GRID2: variants seen among roughly 807,000 people sequenced by gnomAD.
GRID2 encodes glutamate receptor ionotropic, delta-2.
Under a neutral mutation model 114.8 loss-of-function variants are expected in GRID2, and 33 were observed. That is an observed-to-expected ratio of 0.29 (90% CI 0.22 to 0.38). The LOEUF is 0.38. GRID2 is among the 10% of genes least tolerant of loss of function. GRID2 has a pLI of 1.00. For synonymous variants in GRID2, 505 were observed against 449.9 expected, an observed-to-expected ratio of 1.12 and a Z score of -1.55; for missense variants, 1,184 against 1,257.7, an observed-to-expected ratio of 0.94 and a Z score of 0.89.
rs566466320 is a variant in GRID2, at chr4:92,662,591, A to T, written c.244+72305A>T. On this transcript the variant is annotated intron_variant, in intron 2 of 15. Coordinates refer to ENST00000282020, the MANE Select transcript of GRID2 (RefSeq NM_001510.4). ...ACTTTGCAAACCAGGGATAAAGAAT[A>T]AAAAAAAAAGGTAAACTTTGAAGTG... 5.4e-5 allele frequency among the ~76,000 whole-genome samples: 8 copies of T among 147,490 alleles called. 1 individual carries two copies. The South Asian group carries it at 6.4e-4, about 12-fold the overall frequency.
chr4:92,906,235 T>C (rs1042405478), intron 2 of GRID2, among the ~76,000 whole-genome samples: 5 of 147,738 alleles, frequency 3.4e-5, no homozygotes, highest in African/African-American at 1.2e-4. Flanking sequence ...TAGAAATCTG[T>C]AGACCTGAAG....
At chr4:93,372,776 T>C (rs1469004261) in intron 8 of GRID2, among the ~76,000 whole-genome samples, 2 of 152,176 alleles carry the variant, frequency 1.3e-5, no homozygotes, top group Non-Finnish European at 2.9e-5. Context: ...ATAGTATATA[T>C]ACCAGATACC....
intron 4 of GRID2, among the ~76,000 whole-genome samples, chr4:93,185,795 G>C (rs1006744513): frequency 1.3e-5 from 2 of 151,950 alleles, no homozygotes; most frequent in Admixed American, 6.6e-5. Context: ...TGTGCACTAC[G>C]TGCAGGTTTG....
intron 2 of GRID2, among the ~76,000 whole-genome samples, chr4:92,672,039 TTTA>T (rs1386550339): frequency 1.3e-5 from 2 of 152,142 alleles, no homozygotes; most frequent in East Asian, 1.9e-4. Context: ...CAGTGAGATT[TTTA>T]TTATTTAAAC....
chr4:93,273,460 T>TC (rs56915493), intron 8 of GRID2, among the ~76,000 whole-genome samples: 82 of 74,578 alleles, frequency 1.1e-3, no homozygotes, highest in South Asian at 8.4e-3. Context: ...CAGAATAATA[T>TC]CCCCCCCCCC....
At position 92,536,762 on chromosome 4, in the gene GRID2, G is replaced by T. The variant is rs140548370; in HGVS notation, c.89-53369G>T. On this transcript the variant is annotated intron_variant, in intron 1 of 15. Coordinates refer to ENST00000282020, the MANE Select transcript of GRID2 (RefSeq NM_001510.4). The stretch of plus-strand genomic sequence containing the variant: ...AGTTTTTCTTCCTTAAATGCAAATC[G>T]TCTGAGAGAAATGGATGGCAATAAA... Among the ~76,000 whole-genome samples the T allele has an allele frequency of 1.7e-3, 264 of 151,938 alleles. 1 individual carries two copies. Among genetic ancestry groups the T allele is most frequent in the African/African-American group, 6.2e-3 (258 of 41,422 alleles).
intron 2 of GRID2, among the ~76,000 whole-genome samples, chr4:92,993,868 T>C (rs1054812791): frequency 6.6e-6 from 1 of 152,246 alleles, no homozygotes; most frequent in Non-Finnish European, 1.5e-5. Flanking sequence ...TTAAATATGA[T>C]ATAAGTCACA....
At chr4:93,242,861 C>T (rs899499448) in intron 8 of GRID2, among the ~76,000 whole-genome samples, 1 of 151,942 alleles carries the variant, frequency 6.6e-6, no homozygotes, top group East Asian at 1.9e-4. Flanking sequence ...GTTGTTTCAA[C>T]CTGCTCTGAA....
At position 93,312,495 on chromosome 4, in the gene GRID2, A is replaced by G. The variant is rs144788154; in HGVS notation, c.1245+74005A>G. Among the ~76,000 whole-genome samples the G allele has an allele frequency of 1.1e-3, 164 of 152,322 alleles. 3 individuals carry two copies. The highest frequency in any genetic ancestry group is 3.6e-3 in the African/African-American group (151 of 41,578). ...AACTAGCAGGTACAAGCCTGAAACA[A>G]ACAAACAAAAGAAAAACATCAATTG... is the stretch of plus-strand genomic sequence containing the variant. On this transcript the variant is annotated intron_variant, in intron 8 of 15. Transcript: ENST00000282020.
intron 2 of GRID2, among the ~76,000 whole-genome samples, chr4:92,882,347 A>G (rs1481804115): frequency 6.6e-6 from 1 of 152,208 alleles, no homozygotes; most frequent in East Asian, 1.9e-4. Context: ...TTTTCCTCAG[A>G]ACTTAAGATA....
rs191087564 is a variant in GRID2 at position 92,582,476 on chromosome 4, G to A, written c.89-7655G>A. On this transcript the variant is annotated intron_variant, in intron 1 of 15. Transcript: ENST00000282020. ...ATCCCTAAACACCCTTAAATATAAA[G>A]TTTGTATAAAAACAGGTAAATCAAC... is the stretch of plus-strand genomic sequence containing the variant. 5.5e-4 allele frequency among the ~76,000 whole-genome samples: 84 copies of A among 151,668 alleles called. No individual in the cohort carries two copies. The East Asian group carries it at 0.016, about 29-fold the overall frequency.
chr4:92,698,876 C>T (rs1423606516), intron 2 of GRID2, among the ~76,000 whole-genome samples: 2 of 152,038 alleles, frequency 1.3e-5, no homozygotes, highest in African/African-American at 4.8e-5. Flanking sequence ...ATTGCATTAA[C>T]AAAAACTACG....
rs752635618 is a variant in GRID2 at position 93,216,751 on chromosome 4, T to G, written c.803T>G (p.Val268Gly). 6.2e-7 allele frequency: 1 copy of G among 1,608,342 alleles called. No individual in the cohort carries two copies. The change falls in exon 6 of 16, where the codon GTG (valine) becomes GGG (glycine). Residue 268 changes from valine to glycine, a missense_variant. Around this residue, in one of 3 missense-constraint regions of GRID2, gnomAD observed 455 missense variants for 429.5 expected, o/e 1.06. Transcript: ENST00000282020. Reference sequence around the variant, plus strand: ...CTTATCTTATAGGAAATAAACGATGTGGACGTACAGGAACTTGTAAGAAGG... The same window carrying G: ...CTTATCTTATAGGAAATAAACGATGGGGACGTACAGGAACTTGTAAGAAGG... ...WIIINEEINDVDVQELVRRSI... is the reference protein window; with the variant it reads ...WIIINEEINDGDVQELVRRSI...
intron 2 of GRID2, among the ~76,000 whole-genome samples, chr4:92,919,841 G>A (rs982024068): frequency 6.6e-6 from 1 of 152,182 alleles, no homozygotes; most frequent in African/African-American, 2.4e-5. Context: ...GATTTGGGGT[G>A]GAGAGTTCTG....
chr4:93,460,360 C>G (rs902822461), intron 11 of GRID2, among the ~76,000 whole-genome samples: 2 of 152,180 alleles, frequency 1.3e-5, no homozygotes, highest in East Asian at 3.9e-4. Flanking sequence ...CCTAACTCTT[C>G]ACCTTTGTAT....
chr4:93,599,933 T>C (rs926449227), intron 13 of GRID2, among the ~76,000 whole-genome samples: 2 of 152,166 alleles, frequency 1.3e-5, no homozygotes, highest in Admixed American at 1.3e-4. Flanking sequence ...AGTCCTAAAA[T>C]TGGCATTCAT....
At chr4:93,222,267 T>A (rs1744968493) in intron 6 of GRID2, among the ~76,000 whole-genome samples, 1 of 152,016 alleles carries the variant, frequency 6.6e-6, no homozygotes, top group Admixed American at 6.6e-5. Flanking sequence ...TTCAAAGACG[T>A]ATGCACTGTG....
At chr4:93,276,691 G>A (rs1752094564) in intron 8 of GRID2, among the ~76,000 whole-genome samples, 1 of 151,806 alleles carries the variant, frequency 6.6e-6, no homozygotes, top group Non-Finnish European at 1.5e-5. Context: ...GAGTGACATT[G>A]TTTTATTAAA....
intron 10 of GRID2, among the ~76,000 whole-genome samples, chr4:93,440,871 C>T (rs909051955): frequency 1.4e-4 from 22 of 151,964 alleles, no homozygotes; most frequent in Non-Finnish European, 2.4e-4. Flanking sequence ...AGTACTTGGC[C>T]TAATAGATGG....
Sources: allele counts gnomAD v4.1 joint callset (sites outside exome capture counted in the v4.1 genomes callset), GRCh38; gene constraint gnomAD v4.1.1; regional missense constraint gnomAD v4.1.1; transcripts MANE v1.5; gene names NCBI Gene and HGNC (gene_info 2026-07-23, HGNC 2026-07-21).